DTNA: variants seen among roughly 807,000 people sequenced by gnomAD.
DTNA encodes dystrophin-related protein 3.
Under a neutral mutation model 100.7 loss-of-function variants are expected in DTNA, and 43 were observed. The ratio of observed to expected loss-of-function variants is 0.43; its 90% CI spans 0.33 to 0.55. The LOEUF is 0.55. Among genes scored for constraint, DTNA ranks in the 20% least tolerant of loss-of-function variants. The probability of loss-of-function intolerance (pLI) is 0.04; values close to 1 mark genes in which losing one functional copy is unlikely to be tolerated. For missense variants in DTNA, 798 were observed against 953.9 expected (o/e 0.84, Z 2.15); for synonymous variants, 349 against 347.9 (o/e 1.00, Z -0.04).
intron 1 of DTNA, among the ~76,000 whole-genome samples, chr18:34,625,325 G>A (rs1358330905): frequency 6.6e-6 from 1 of 152,096 alleles, no homozygotes; most frequent in African/African-American, 2.4e-5. Context: ...CACCACGCCT[G>A]GCCCACCCAG....
chr18:34,800,678 A>G (rs1256446419), intron 4 of DTNA, among the ~76,000 whole-genome samples: 1 of 152,230 alleles, frequency 6.6e-6, no homozygotes, highest in Non-Finnish European at 1.5e-5. Flanking sequence ...AAATAGAGAA[A>G]TAATTCCTTC....
At chr18:34,604,421 T>C (rs1325395419) in intron 1 of DTNA, among the ~76,000 whole-genome samples, 1 of 152,134 alleles carries the variant, frequency 6.6e-6, no homozygotes, top group Non-Finnish European at 1.5e-5. Flanking sequence ...TATTTATTCA[T>C]AGGGCCATAA....
intron 1 of DTNA, among the ~76,000 whole-genome samples, chr18:34,683,069 C>A (rs1016740741): frequency 1.3e-5 from 2 of 152,084 alleles, no homozygotes; most frequent in African/African-American, 4.8e-5. Flanking sequence ...TAGTCTCATT[C>A]CAATTTAAAT....
At chr18:34,729,712 C>G (rs2087622197) in intron 1 of DTNA, among the ~76,000 whole-genome samples, 1 of 151,970 alleles carries the variant, frequency 6.6e-6, no homozygotes, top group Non-Finnish European at 1.5e-5. Flanking sequence ...CTCAAAGATA[C>G]AAAAGTAAAC....
chr18:34,654,886 C>G (rs909263762), intron 1 of DTNA, among the ~76,000 whole-genome samples: 1 of 151,990 alleles, frequency 6.6e-6, no homozygotes, highest in Non-Finnish European at 1.5e-5. Context: ...GCCACCACAC[C>G]CAGCTTATTT....
intron 3 of DTNA, among the ~76,000 whole-genome samples, chr18:34,774,833 A>C (rs556783571): frequency 2.0e-4 from 31 of 152,340 alleles, no homozygotes; most frequent in South Asian, 2.1e-4. Context: ...ACAGGGTACC[A>C]AGACTCATCA....
intron 16 of DTNA, among the ~76,000 whole-genome samples, chr18:34,862,895 T>C (rs2096647718): frequency 6.6e-6 from 1 of 152,254 alleles, no homozygotes; most frequent in African/African-American, 2.4e-5. Context: ...TTGACCTAGC[T>C]CACTGTGACA....
chr18:34,670,210 G>A (rs1044040010), intron 1 of DTNA, among the ~76,000 whole-genome samples: 8 of 152,076 alleles, frequency 5.3e-5, no homozygotes, highest in African/African-American at 1.7e-4. Context: ...CCAGTTGATC[G>A]AATTGGCTAC....
chr18:34,596,278 G>T (rs991906375), intron 1 of DTNA, among the ~76,000 whole-genome samples: 15 of 152,122 alleles, frequency 9.9e-5, no homozygotes, highest in African/African-American at 2.2e-4. Flanking sequence ...GACATGACGC[G>T]ATTGATCTCC....
At chr18:34,749,643 A>AAATAATAATAAT (rs71166024) in intron 1 of DTNA, among the ~76,000 whole-genome samples, 668 of 39,848 alleles carry the variant, frequency 0.017, 6 homozygotes, top group African/African-American at 0.043. Context: ...TCTCTCCAAA[A>AAATAATAATAAT]AATAATAATA....
chr18:34,810,434 G>A (rs781301585), intron 5 of DTNA, among the ~76,000 whole-genome samples: 10 of 151,632 alleles, frequency 6.6e-5, no homozygotes, highest in Non-Finnish European at 1.2e-4. Context: ...AGTCACGCAC[G>A]GAAAGATAAA....
At chr18:34,512,299 G>C (rs907727054) in intron 1 of DTNA, among the ~76,000 whole-genome samples, 3 of 152,028 alleles carry the variant, frequency 2.0e-5, no homozygotes, top group Non-Finnish European at 2.9e-5. Flanking sequence ...GTACCTTACT[G>C]TGTGAGAAAT....
intron 1 of DTNA, among the ~76,000 whole-genome samples, chr18:34,573,049 A>C (rs181575773): frequency 1.1e-4 from 17 of 152,286 alleles, no homozygotes; most frequent in Admixed American, 2.6e-4. Context: ...TAACATATAG[A>C]AGGTTCCTTT....
chr18:34,776,847 G>C (rs532975974), intron 3 of DTNA, among the ~76,000 whole-genome samples: 2 of 152,024 alleles, frequency 1.3e-5, no homozygotes, highest in African/African-American at 4.8e-5. Context: ...TCTCCTATCT[G>C]GTTACTCTGT....
intron 1 of DTNA, among the ~76,000 whole-genome samples, chr18:34,528,089 A>G (rs1031693981): frequency 2.0e-5 from 3 of 152,130 alleles, no homozygotes; most frequent in African/African-American, 4.8e-5. Flanking sequence ...TAGAGTCTCC[A>G]TGCTTCTGTT....
intron 1 of DTNA, among the ~76,000 whole-genome samples, chr18:34,663,562 G>A (rs1599775844): frequency 6.6e-6 from 1 of 152,102 alleles, no homozygotes; most frequent in Non-Finnish European, 1.5e-5. Context: ...ATTGTTCAAG[G>A]TACAAGTGGT....
intron 17 of DTNA, among the ~76,000 whole-genome samples, chr18:34,873,570 C>T (rs2096786216): frequency 6.6e-6 from 1 of 152,244 alleles, no homozygotes; most frequent in African/African-American, 2.4e-5. Context: ...CCCTGCCCCT[C>T]TGACTCCGTC....
In DTNA at chr18:34,888,864, T is replaced by G. The variant is rs1346665707; in HGVS notation, c.*1130T>G. 3 of 985,902 alleles carry G rather than the reference T, an allele frequency of 3.0e-6. No individual in the cohort carries two copies. Among genetic ancestry groups the G allele is most frequent in the Non-Finnish European group, 3.6e-6 (3 of 829,954 alleles). 61.1% of individuals were successfully genotyped at this position (985,902 alleles called of 1,614,324 possible). A position where few individuals can be genotyped will look rare whatever the true frequency, so the allele number is the denominator to read the frequency against. On this transcript the variant is annotated 3_prime_UTR_variant, in exon 23 of 23. Transcript: ENST00000444659. ...CGCTTGCAAACGTTTGCTCTCCTTT[T>G]TTTCTGAATGTTGATTGCCTTAGCT...
chr18:34,856,520 T>G (rs1286856291), intron 15 of DTNA, among the ~76,000 whole-genome samples: 1 of 152,186 alleles, frequency 6.6e-6, no homozygotes, highest in African/African-American at 2.4e-5. Flanking sequence ...TTATATTGTA[T>G]GGGTCACAGC....
Sources: gnomAD v4.1 joint callset for allele counts (sites outside exome capture counted in the v4.1 genomes callset) on GRCh38, gnomAD v4.1.1 for gene constraint, MANE v1.5 for transcripts, NCBI Gene and HGNC (gene_info 2026-07-23, HGNC 2026-07-21) for gene names.